The following PPP1R9A variants were observed in gnomAD, a reference collection of about 807,000 sequenced individuals.
PPP1R9A encodes neurabin-1.
In PPP1R9A, 59 loss-of-function variants were observed where a neutral mutation model predicts 141.9. The observed-to-expected ratio is 0.42, with a 90% confidence interval of 0.34 to 0.52. The LOEUF is 0.52. Ranked by LOEUF, PPP1R9A falls within the 20% of genes least tolerant of loss-of-function variation. The pLI, the probability that PPP1R9A is intolerant of heterozygous loss-of-function variation, is 0.10. For synonymous variants in PPP1R9A, 500 were observed against 569.7 expected (o/e 0.88, Z 1.74); for missense variants, 1,444 against 1,611.9 (o/e 0.90, Z 1.78).
intron 2 of PPP1R9A, among the ~76,000 whole-genome samples, chr7:95,107,098 T>TA (rs904256287): frequency 1.3e-4 from 20 of 152,096 alleles, no homozygotes; most frequent in South Asian, 8.3e-4. Flanking sequence ...TGGTAGTCTT[T>TA]AAAAAAAATC....
rs533570992 is a variant in PPP1R9A, at chr7:95,285,741, A to G, written c.3610-465A>G. ...TCCAGGAGAGGATCTGCCATTTCTCATAGTATTTATCACAGCCAACAATAA... is the reference window on the plus strand; with the variant it reads ...TCCAGGAGAGGATCTGCCATTTCTCGTAGTATTTATCACAGCCAACAATAA... On this transcript the variant is annotated intron_variant, in intron 17 of 19. Transcript: ENST00000433360. Among the ~76,000 whole-genome samples the G allele has an allele frequency of 9.8e-5, 15 of 152,296 alleles. No homozygotes were observed. In the South Asian group the frequency reaches 1.0e-3, roughly 11 times the overall value.
chr7:95,015,681 A>T (rs566130437), intron 2 of PPP1R9A, among the ~76,000 whole-genome samples: 25 of 152,294 alleles, frequency 1.6e-4, no homozygotes, highest in African/African-American at 5.8e-4. Context: ...ATAATGGGTG[A>T]AAAGTCTTGT....
chr7:94,974,298 A>G (rs1301034561), intron 2 of PPP1R9A, among the ~76,000 whole-genome samples: 1 of 152,186 alleles, frequency 6.6e-6, no homozygotes, highest in Non-Finnish European at 1.5e-5. Flanking sequence ...TAAATGGTAA[A>G]CAAGTTCCTA....
At chr7:95,039,866 T>G (rs1808973664) in intron 2 of PPP1R9A, among the ~76,000 whole-genome samples, 1 of 152,070 alleles carries the variant, frequency 6.6e-6, no homozygotes, top group Non-Finnish European at 1.5e-5. Context: ...GGCTAACAAC[T>G]TTCTAAAATT....
intron 19 of PPP1R9A, among the ~76,000 whole-genome samples, chr7:95,289,525 T>C (rs1806008341): frequency 6.6e-6 from 1 of 152,226 alleles, no homozygotes; most frequent in Non-Finnish European, 1.5e-5. Context: ...TTATTCTGAA[T>C]TCTAAGTTCA....
intron 2 of PPP1R9A, among the ~76,000 whole-genome samples, chr7:94,989,460 A>G (rs112255131): frequency 3.3e-5 from 5 of 152,258 alleles, no homozygotes; most frequent in African/African-American, 1.2e-4. Context: ...TCTCCAGACT[A>G]GAATAATTTA....
chr7:95,017,535 G>A lies in PPP1R9A; in HGVS notation c.1396-93724G>A, dbSNP rs946210633. Among the ~76,000 whole-genome samples the A allele has an allele frequency of 1.1e-4, 16 of 152,090 alleles. 1 individual carries two copies. Among genetic ancestry groups the A allele is most frequent in the South Asian group, 2.1e-4 (1 of 4,822 alleles). ...AATACTTGGGTATAAACAAAACAAA[G>A]ATGTCTAAGACCCCTACACTGAAAA... On this transcript the variant is annotated intron_variant, in intron 2 of 19. Coordinates refer to ENST00000433360, the MANE Select transcript of PPP1R9A (RefSeq NM_001166160.2).
At chr7:95,179,094 C>T (rs1307732754) in intron 5 of PPP1R9A, among the ~76,000 whole-genome samples, 1 of 152,040 alleles carries the variant, frequency 6.6e-6, no homozygotes, top group Admixed American at 6.6e-5. Flanking sequence ...AGACCAATAT[C>T]TCTAATGAAC....
chr7:95,130,179 G>A (rs780574699), intron 4 of PPP1R9A, among the ~76,000 whole-genome samples: 10 of 152,104 alleles, frequency 6.6e-5, no homozygotes, highest in Non-Finnish European at 1.0e-4. Flanking sequence ...GGTTTCATGG[G>A]CTGGTCCTAG....
At chr7:95,130,402 G>A (rs867243019) in intron 4 of PPP1R9A, among the ~76,000 whole-genome samples, 1 of 152,214 alleles carries the variant, frequency 6.6e-6, no homozygotes, top group Non-Finnish European at 1.5e-5. Context: ...TTCAGAGGAC[G>A]TATGGAAATG....
At chr7:95,149,348 A>G (rs1339767818) in intron 4 of PPP1R9A, among the ~76,000 whole-genome samples, 1 of 152,174 alleles carries the variant, frequency 6.6e-6, no homozygotes, top group Admixed American at 6.6e-5. Context: ...AGACAATGAT[A>G]TCCTTTCTTA....
At chr7:95,285,323 AAAG>A (rs1280085602) in intron 17 of PPP1R9A, among the ~76,000 whole-genome samples, 1 of 152,240 alleles carries the variant, frequency 6.6e-6, no homozygotes, top group African/African-American at 2.4e-5. Flanking sequence ...ATTACTAGCA[AAAG>A]AAGTTTTGAT....
chr7:95,167,673 T>G lies in PPP1R9A; in HGVS notation c.1754+5702T>G, dbSNP rs191923763. 1.2e-4 allele frequency among the ~76,000 whole-genome samples: 19 copies of G among 152,248 alleles called. No homozygotes were observed. In the East Asian group the frequency reaches 3.5e-3, roughly 28 times the overall value. ...TTTGAAGACTCCACGAGAAAACTCT[T>G]AGATCTGATAAAACAAATTCAGTAA... On this transcript the variant is annotated intron_variant, in intron 5 of 19. Transcript: ENST00000433360.
At chr7:94,940,262 G>C (rs781321653) in intron 2 of PPP1R9A, among the ~76,000 whole-genome samples, 1 of 152,046 alleles carries the variant, frequency 6.6e-6, no homozygotes, top group Admixed American at 6.6e-5. Context: ...AGAGAGGTTA[G>C]ATAATTTGCC....
At chr7:94,983,761 T>C (rs1800433373) in intron 2 of PPP1R9A, among the ~76,000 whole-genome samples, 1 of 152,208 alleles carries the variant, frequency 6.6e-6, no homozygotes, top group South Asian at 2.1e-4. Flanking sequence ...AAATATACAA[T>C]CATGTCATCT....
chr7:95,044,370 G>GA (rs992861206), intron 2 of PPP1R9A, among the ~76,000 whole-genome samples: 7 of 151,344 alleles, frequency 4.6e-5, no homozygotes, highest in Non-Finnish European at 1.0e-4. Flanking sequence ...AAGTTTAAAA[G>GA]AAAAAAAATA....
intron 2 of PPP1R9A, among the ~76,000 whole-genome samples, chr7:94,922,911 A>G (rs910275863): frequency 2.0e-5 from 3 of 152,178 alleles, no homozygotes; most frequent in Non-Finnish European, 2.9e-5. Flanking sequence ...TAACAAAAAC[A>G]CTTTTTAAAA....
Position 95,198,430 on chromosome 7 carries a change from C to A in PPP1R9A, c.1836C>A (p.Arg612=), listed in dbSNP as rs1563400915. 1.2e-6 allele frequency: 2 copies of A among 1,613,184 alleles called. No homozygotes were observed. Among genetic ancestry groups the A allele is most frequent in the African/African-American group, 1.3e-5 (1 of 74,978 alleles). ...GCCAGACACTGGAACAGGAGAGGCG[C>A]CAGAGAGAGCTGCTGGAACAGCACT... ...LISQTLEQER[R]QRELLEQHYA... The change falls in exon 6 of 20, where the codon CGC becomes CGA. Residue 612 remains arginine, a synonymous_variant. Transcript: ENST00000433360.
intron 16 of PPP1R9A, among the ~76,000 whole-genome samples, chr7:95,283,521 C>T (rs1197495491): frequency 6.6e-6 from 1 of 152,174 alleles, no homozygotes; most frequent in African/African-American, 2.4e-5. Flanking sequence ...CAATAAACTA[C>T]GTGTTCCACC....
Sources: gnomAD v4.1 joint callset for allele counts (sites outside exome capture counted in the v4.1 genomes callset) on GRCh38, gnomAD v4.1.1 for gene constraint, MANE v1.5 for transcripts, NCBI Gene and HGNC (gene_info 2026-07-23, HGNC 2026-07-21) for gene names.